The following MYT1L variants were observed in gnomAD, a reference collection of about 807,000 sequenced individuals.
MYT1L encodes the protein myelin transcription factor 1-like protein.
In MYT1L, 12 loss-of-function variants were observed where a neutral mutation model predicts 126.7. The ratio of observed to expected loss-of-function variants is 0.09; its 90% CI spans 0.06 to 0.15. The LOEUF is 0.15. MYT1L is among the 10% of genes least tolerant of loss of function. The probability of loss-of-function intolerance (pLI) is 1.00; values close to 1 mark genes in which losing one functional copy is unlikely to be tolerated. For synonymous variants in MYT1L, 541 were observed against 604.2 expected, an observed-to-expected ratio of 0.90 and a Z score of 1.53; for missense variants, 979 against 1,585.2, an observed-to-expected ratio of 0.62 and a Z score of 6.49.
intron 3 of MYT1L, among the ~76,000 whole-genome samples, chr2:2,085,534 A>C (rs1173658240): frequency 6.6e-6 from 1 of 151,776 alleles, no homozygotes; most frequent in Non-Finnish European, 1.5e-5. Flanking sequence ...CCTGTGGGAT[A>C]CCTCCCAAAG....
intron 2 of MYT1L, among the ~76,000 whole-genome samples, chr2:2,225,200 T>A (rs1023185815): frequency 4.6e-5 from 7 of 152,002 alleles, no homozygotes; most frequent in African/African-American, 1.7e-4. Context: ...TGTTCCTGCC[T>A]TAATCCTCTC....
At chr2:2,286,747 A>C (rs1469046596) in intron 1 of MYT1L, among the ~76,000 whole-genome samples, 1 of 152,072 alleles carries the variant, frequency 6.6e-6, no homozygotes, top group East Asian at 1.9e-4. Context: ...CATCTACCTA[A>C]AGCACCAGGC....
chr2:1,910,421 CA>C lies in MYT1L; in HGVS notation c.1710-75del. On this transcript the variant is annotated intron_variant, in intron 12 of 24. Transcript: ENST00000647738. The surrounding 1 kb of genome is among the most constrained non-coding windows in gnomAD (Gnocchi z 4.8). The stretch of plus-strand genomic sequence containing the variant: ...CAGCACACTAATCCTCCCTTAGCAC[CA>C]AGACCCTGATGCAGGTGGAGCTGGT... The C allele has an allele frequency of 7.3e-7, 1 of 1,369,050 alleles. No individual in the cohort carries two copies. Among genetic ancestry groups the C allele is most frequent in the Non-Finnish European group, 1.0e-6 (1 of 977,652 alleles). 84.8% of individuals were successfully genotyped at this position (1,369,050 alleles called of 1,614,324 possible).
At chr2:2,027,646 A>T (rs2065785502) in intron 4 of MYT1L, among the ~76,000 whole-genome samples, 1 of 152,236 alleles carries the variant, frequency 6.6e-6, no homozygotes, top group African/African-American at 2.4e-5. Context: ...ATGACCAAAG[A>T]ATACCCACTA....
intron 2 of MYT1L, among the ~76,000 whole-genome samples, chr2:2,194,041 A>G (rs2092699824): frequency 6.6e-6 from 1 of 151,984 alleles, no homozygotes; most frequent in Non-Finnish European, 1.5e-5. Context: ...AATGATCTGT[A>G]AGATTATTCA....
intron 18 of MYT1L, among the ~76,000 whole-genome samples, chr2:1,871,397 C>T (rs2046272074): frequency 6.6e-6 from 1 of 152,236 alleles, no homozygotes; most frequent in Admixed American, 6.5e-5. Flanking sequence ...CCTCAGTTCC[C>T]TGGCCTGGAG....
chr2:2,324,402 C>T (rs1415118994), intron 1 of MYT1L: 3 of 152,488 alleles, frequency 2.0e-5, no homozygotes, highest in African/African-American at 7.2e-5. Flanking sequence ...ACCATTTGTT[C>T]TCCATTCATC....
chr2:2,241,275 T>TGTGTG (rs1559434918), intron 2 of MYT1L, among the ~76,000 whole-genome samples: 1 of 150,746 alleles, frequency 6.6e-6, no homozygotes, highest in Non-Finnish European at 1.5e-5. Flanking sequence ...AATACATCTT[T>TGTGTG]TGTGTGTGTG....
intron 15 of MYT1L, 101 bp downstream of exon 15, chr2:1,891,936 C>T (rs2048933883): frequency 7.0e-7 from 1 of 1,433,352 alleles, no homozygotes; most frequent in Non-Finnish European, 9.1e-7. Flanking sequence ...CGGCGTTTGC[C>T]CCATACAGCT....
chr2:2,024,336 C>T (rs1376165698), intron 4 of MYT1L, among the ~76,000 whole-genome samples: 1 of 152,196 alleles, frequency 6.6e-6, no homozygotes, highest in Non-Finnish European at 1.5e-5. Flanking sequence ...CAAAATAACA[C>T]AGCACCCAAA....
intron 12 of MYT1L, among the ~76,000 whole-genome samples, chr2:1,911,273 T>C (rs532011161): frequency 1.4e-4 from 22 of 152,238 alleles, no homozygotes; most frequent in African/African-American, 5.1e-4. Flanking sequence ...AAGCAAAAAT[T>C]AGAGTGAAGC....
chr2:2,064,786 G>C (rs1451597644), intron 3 of MYT1L, among the ~76,000 whole-genome samples: 1 of 152,148 alleles, frequency 6.6e-6, no homozygotes, highest in African/African-American at 2.4e-5. Flanking sequence ...AAGCTTGTTG[G>C]AAAGTAAAAT....
chr2:1,828,995 A>T (rs981403925), intron 21 of MYT1L, among the ~76,000 whole-genome samples: 8 of 152,124 alleles, frequency 5.3e-5, no homozygotes, highest in African/African-American at 1.9e-4. Context: ...AGTGGTGGCA[A>T]AAAAGGATGC....
At chr2:2,305,939 C>T (rs1573401803) in intron 1 of MYT1L, 1 of 152,186 alleles carries the variant, frequency 6.6e-6, no homozygotes, top group Non-Finnish European at 1.5e-5. Context: ...TATTACATAC[C>T]AAATGGCTGC....
At chr2:1,969,951 A>G (rs2059685220) in intron 8 of MYT1L, among the ~76,000 whole-genome samples, 2 of 152,222 alleles carry the variant, frequency 1.3e-5, no homozygotes, top group African/African-American at 4.8e-5. Context: ...TACTGCAGGC[A>G]GCAGCATCCT....
At chr2:2,181,637 C>G (rs1009258239) in intron 2 of MYT1L, among the ~76,000 whole-genome samples, 3 of 152,190 alleles carry the variant, frequency 2.0e-5, no homozygotes, top group African/African-American at 7.2e-5. Flanking sequence ...ACAGAGTTGA[C>G]CACGTGGAAG....
intron 3 of MYT1L, among the ~76,000 whole-genome samples, chr2:2,077,022 T>G (rs567237553): frequency 6.6e-6 from 1 of 152,228 alleles, no homozygotes; most frequent in African/African-American, 2.4e-5. Flanking sequence ...AATAACCAAA[T>G]AAATATTCTG....
chr2:2,078,501 C>A (rs957881663), intron 3 of MYT1L, among the ~76,000 whole-genome samples: 1 of 152,084 alleles, frequency 6.6e-6, no homozygotes, highest in Admixed American at 6.6e-5. Flanking sequence ...AAAAAATATT[C>A]CATGCAAGCA....
intron 23 of MYT1L, among the ~76,000 whole-genome samples, chr2:1,794,943 C>G (rs1172988631): frequency 6.6e-6 from 1 of 152,214 alleles, no homozygotes; most frequent in Admixed American, 6.5e-5. Flanking sequence ...CGTCCAGGGT[C>G]AGAGAGAATG....
Sources: allele counts gnomAD v4.1 joint callset (sites outside exome capture counted in the v4.1 genomes callset), GRCh38; gene constraint gnomAD v4.1.1; non-coding constraint Gnocchi (gnomAD v3.1); transcripts MANE v1.5; gene names NCBI Gene and HGNC (gene_info 2026-07-23, HGNC 2026-07-21).